The following ADA2 variants were observed in gnomAD, a reference collection of about 807,000 sequenced individuals.
ADA2 encodes adenosine deaminase 2, also known as adenosine deaminase CECR1.
ADA2 carries 29 observed loss-of-function variants against 44.2 expected under a neutral mutation model. The ratio of observed to expected loss-of-function variants is 0.66; its 90% confidence interval spans 0.49 to 0.89. The LOEUF is 0.89. ADA2 is among the 40% of genes least tolerant of loss of function. ADA2 has a pLI of 0.00. For synonymous variants in ADA2, 215 were observed against 234.9 expected (o/e 0.92, Z 0.77); for missense variants, 637 against 644.8 (o/e 0.99, Z 0.13).
rs372341852 is a variant in ADA2, at chr22:17,182,672, G to A, written c.1171C>T (p.His391Tyr). ...RIGHGFALSKHPAVRTYSWKK... is the reference protein window; with the variant it reads ...RIGHGFALSKYPAVRTYSWKK... ...CAGGAGTAAGTCCTGACTGCGGGGTGTTTGCTCAAAGCAAATCCATGGCCG... is the reference window on the plus strand; with the variant it reads ...CAGGAGTAAGTCCTGACTGCGGGGTATTTGCTCAAAGCAAATCCATGGCCG... The change falls in exon 8 of 10, where the codon CAC (histidine) becomes TAC (tyrosine). Residue 391 changes from histidine to tyrosine, a missense_variant. Transcript: ENST00000399837. 3.1e-6 allele frequency: 5 copies of A among 1,614,006 alleles called. No homozygotes were observed. The African/African-American group carries it at 5.3e-5, about 17-fold the overall frequency.
chr22:17,189,136 C>A (rs1370718268), intron 6 of ADA2, among the ~76,000 whole-genome samples: 1 of 150,962 alleles, frequency 6.6e-6, no homozygotes, highest in Admixed American at 6.6e-5. Flanking sequence ...TCTGCCTCAG[C>A]CTCCCAAGTA....
chr22:17,184,186 G>T (rs373176336), intron 7 of ADA2, among the ~76,000 whole-genome samples: 3 of 150,502 alleles, frequency 2.0e-5, no homozygotes, highest in African/African-American at 7.4e-5. Flanking sequence ...GGATGGTCTC[G>T]ATCACCTGAC....
intron 7 of ADA2, among the ~76,000 whole-genome samples, chr22:17,184,108 C>A (rs539083993): frequency 6.6e-6 from 1 of 151,166 alleles, no homozygotes; most frequent in Non-Finnish European, 1.5e-5. Flanking sequence ...TACAGGCGCC[C>A]GCCACCACAC....
At chr22:17,181,719 C>T in intron 9 of ADA2, 101 bp downstream of exon 9, 1 of 1,153,440 alleles carries the variant, frequency 8.7e-7, no homozygotes, top group Non-Finnish European at 1.3e-6. Context: ...AGAAGGAACC[C>T]ACAGGAACCA....
At position 17,180,954 on chromosome 22, in the gene ADA2, A is replaced by G. The variant is rs2061961249; in HGVS notation, c.*529T>C. 6.5e-6 allele frequency: 1 copy of G among 152,732 alleles called. No homozygotes were observed. Among genetic ancestry groups the G allele is most frequent in the African/African-American group, 2.4e-5 (1 of 41,456 alleles). The allele number at this position is 152,732 out of a possible 1,614,324, so 9.5% of individuals were successfully genotyped here. A position where few individuals can be genotyped will look rare whatever the true frequency, so the allele number is the denominator to read the frequency against. ...AGAGTTGGATACCAGCCTCGCCAACATGGTGAAAACCTGTCTCTACTAAAA... is the reference window on the plus strand; with the variant it reads ...AGAGTTGGATACCAGCCTCGCCAACGTGGTGAAAACCTGTCTCTACTAAAA... On this transcript the variant is annotated 3_prime_UTR_variant, in exon 10 of 10. Coordinates refer to ENST00000399837, the MANE Select transcript of ADA2 (RefSeq NM_001282225.2).
intron 5 of ADA2, among the ~76,000 whole-genome samples, chr22:17,191,443 T>C (rs2062113346): frequency 6.6e-6 from 1 of 152,220 alleles, no homozygotes; most frequent in Admixed American, 6.5e-5. Context: ...TCACACATTC[T>C]TCATTTCAGT....
intron 7 of ADA2, among the ~76,000 whole-genome samples, chr22:17,187,271 C>A (rs972801362): frequency 1.3e-5 from 2 of 151,940 alleles, no homozygotes; most frequent in African/African-American, 4.8e-5. Flanking sequence ...CCTCCTGCCT[C>A]TGCCTCCCTA....
At chr22:17,208,425 A>G (rs1427780705) in intron 2 of ADA2, among the ~76,000 whole-genome samples, 1 of 131,784 alleles carries the variant, frequency 7.6e-6, no homozygotes, top group Non-Finnish European at 1.7e-5. Context: ...CTCCGTCTCA[A>G]AAAAAAAAAG....
intron 7 of ADA2, among the ~76,000 whole-genome samples, chr22:17,185,268 G>A (rs1205143181): frequency 1.3e-5 from 2 of 150,956 alleles, no homozygotes; most frequent in Admixed American, 1.3e-4. Flanking sequence ...AAAAATATTA[G>A]CCGGGCGTGG....
chr22:17,204,996 A>G (rs892383040), intron 3 of ADA2, among the ~76,000 whole-genome samples: 1 of 149,090 alleles, frequency 6.7e-6, no homozygotes, highest in African/African-American at 2.5e-5. Flanking sequence ...GGATCTCACT[A>G]TGTTGCCCAG....
At chr22:17,216,770 A>T (rs202087144) in intron 1 of ADA2, among the ~76,000 whole-genome samples, 64 of 134,368 alleles carry the variant, frequency 4.8e-4, no homozygotes, top group Non-Finnish European at 7.4e-4. Flanking sequence ...AAAAAAAAAA[A>T]AACACACACA....
At chr22:17,182,050 AT>A in intron 8 of ADA2, 28 bp from the exon 9 acceptor site, 2 of 1,564,614 alleles carry the variant, frequency 1.3e-6, no homozygotes, top group Non-Finnish European at 1.8e-6. Context: ...AGGGAGAAAG[AT>A]GAACTCTGAT....
chr22:17,188,546 C>A (rs2062068029), intron 6 of ADA2, 99 bp from the exon 7 acceptor site: 2 of 728,342 alleles, frequency 2.7e-6, no homozygotes, highest in Admixed American at 5.0e-5. Flanking sequence ...TTGTACCCTG[C>A]CACCACTGCC....
upstream of ADA2, chr22:17,221,580 G>T (rs2062523948): frequency 6.6e-6 from 1 of 152,176 alleles, no homozygotes; most frequent in African/African-American, 2.4e-5. Context: ...CTCCGAAGGT[G>T]GCTCCAGGAC....
intron 2 of ADA2, among the ~76,000 whole-genome samples, chr22:17,208,178 C>A (rs2062375564): frequency 6.6e-6 from 1 of 152,094 alleles, no homozygotes; most frequent in South Asian, 2.1e-4. Flanking sequence ...GTAACCCCAG[C>A]ACTTTGGGAG....
intron 1 of ADA2, chr22:17,214,041 A>AAAG (rs1215508322): frequency 1.4e-5 from 2 of 140,344 alleles, no homozygotes; most frequent in East Asian, 3.7e-4. Flanking sequence ...CTCTGTCTCA[A>AAAG]AAAAAAAAAA....
upstream of ADA2, among the ~76,000 whole-genome samples, chr22:17,221,450 C>G (rs754712321): frequency 2.0e-4 from 31 of 152,108 alleles, no homozygotes; most frequent in Non-Finnish European, 3.5e-4. Context: ...CCCGACCCCC[C>G]CGACAGGCCC....
intron 1 of ADA2, among the ~76,000 whole-genome samples, chr22:17,218,428 C>T (rs2062493167): frequency 1.3e-5 from 2 of 152,152 alleles, no homozygotes; most frequent in African/African-American, 2.4e-5. Flanking sequence ...ACCCCTTTAA[C>T]TTCATTAAGT....
Position 17,191,880 on chromosome 22 carries a change from C to A in ADA2, c.754-70G>T, listed in dbSNP as rs2062119979. On this transcript the variant is annotated intron_variant, in intron 4 of 9. Transcript: ENST00000399837. The stretch of plus-strand genomic sequence containing the variant: ...GACGCCACCCCCTTCCCAGCCACCC[C>A]TGCCCAGCCACCCCTGGCCAGCCAC... The A allele has an allele frequency of 1.3e-5, 19 of 1,501,978 alleles. 1 individual carries two copies. In the South Asian group the frequency reaches 2.3e-4, roughly 19 times the overall value. The allele number at this position is 1,501,978 out of a possible 1,614,324, so 93.0% of individuals were successfully genotyped here.
Sources: gnomAD v4.1 joint callset for allele counts (sites outside exome capture counted in the v4.1 genomes callset) on GRCh38, gnomAD v4.1.1 for gene constraint, MANE v1.5 for transcripts, NCBI Gene and HGNC (gene_info 2026-07-23, HGNC 2026-07-21) for gene names.